The following SAP130 variants were observed in gnomAD, a reference collection of about 807,000 sequenced individuals.
SAP130 encodes the protein histone deacetylase complex subunit SAP130.
A neutral mutation model predicts 103.2 loss-of-function variants in SAP130; 16 were observed. The ratio of observed to expected loss-of-function variants is 0.16; its 90% CI spans 0.10 to 0.24. SAP130 has a LOEUF of 0.24. SAP130 is among the 10% of genes least tolerant of loss of function. The probability of loss-of-function intolerance (pLI) is 1.00; values close to 1 mark genes in which losing one functional copy is unlikely to be tolerated. For missense variants in SAP130, 990 were observed against 1,359.7 expected (o/e 0.73, Z 4.28); for synonymous variants, 477 against 497.0 (o/e 0.96, Z 0.53).
rs1559104045 is a variant in SAP130 at position 128,017,858 on chromosome 2, C to CTGG, written c.167_169dup (p.Ser56_Ser57insThr). 1 of 1,614,220 alleles carries CTGG rather than the reference C, an allele frequency of 6.2e-7. No individual in the cohort carries two copies. On this transcript the variant is annotated inframe_insertion, in exon 3 of 21. Transcript: ENST00000643581. ...CTCCTCCCGGGACTGGAGGGAGCTG[C>CTGG]TGGAACTCATGTGCTCCCTGGCACT...
intron 13 of SAP130, among the ~76,000 whole-genome samples, chr2:127,988,201 T>C (rs954847605): frequency 3.9e-5 from 6 of 152,294 alleles, no homozygotes; most frequent in East Asian, 1.9e-4. Context: ...GGCTGAAGGA[T>C]AGCTTGAACT....
At position 127,945,425 on chromosome 2, in the gene SAP130, CATG is replaced by C. The variant is rs369780133; in HGVS notation, c.2901+28_2901+30del. On this transcript the variant is annotated intron_variant, in intron 19 of 20. Coordinates refer to ENST00000643581, the MANE Select transcript of SAP130 (RefSeq NM_001330301.2). ...CTGCAGTGTCTTCTCCTCTCTTCAG[CATG>C]ATGAACAACTGCTAGAACTCCACCT... The C allele has an allele frequency of 2.5e-3, 3,265 of 1,316,258 alleles. 15 individuals are homozygous for C. Among genetic ancestry groups the C allele is most frequent in the Middle Eastern group, 0.016 (86 of 5,500 alleles). 81.5% of individuals were successfully genotyped at this position (1,316,258 alleles called of 1,614,324 possible). A position where few individuals can be genotyped will look rare whatever the true frequency, so the allele number is the denominator to read the frequency against.
intron 15 of SAP130, among the ~76,000 whole-genome samples, chr2:127,976,065 C>G (rs1681440244): frequency 6.6e-6 from 1 of 152,172 alleles, no homozygotes; most frequent in African/African-American, 2.4e-5. Flanking sequence ...CCAGGATGGT[C>G]TCTATCTCCT....
At chr2:128,001,843 A>G (rs1435059070) in intron 7 of SAP130, among the ~76,000 whole-genome samples, 1 of 152,190 alleles carries the variant, frequency 6.6e-6, no homozygotes, top group African/African-American at 2.4e-5. Flanking sequence ...AACCTCAGAA[A>G]GCAAAAAAAA....
intron 7 of SAP130, among the ~76,000 whole-genome samples, chr2:128,003,947 CACAGA>C (rs984322443): frequency 3.3e-5 from 4 of 122,600 alleles, no homozygotes; most frequent in African/African-American, 1.3e-4. Flanking sequence ...GTAGTTCTCC[CACAGA>C]TCAGCTTTTT....
At chr2:127,969,522 G>T (rs935690575) in intron 15 of SAP130, among the ~76,000 whole-genome samples, 1 of 152,202 alleles carries the variant, frequency 6.6e-6, no homozygotes, top group Non-Finnish European at 1.5e-5. Flanking sequence ...GTTAAGACCT[G>T]TATTAGATTG....
chr2:128,011,969 T>C lies in SAP130; in HGVS notation c.744+1061A>G, dbSNP rs948303843. On this transcript the variant is annotated intron_variant, in intron 6 of 20. Transcript: ENST00000643581. ...CTGGGATTACAGGCACGCACCACCATGCCCAGCTAATTTTTTGGCATTTTA... is the reference window on the plus strand; with the variant it reads ...CTGGGATTACAGGCACGCACCACCACGCCCAGCTAATTTTTTGGCATTTTA... Among the ~76,000 whole-genome samples, 4 of 152,060 alleles carry C rather than the reference T, an allele frequency of 2.6e-5. No homozygotes were observed. The South Asian group carries it at 6.2e-4, about 24-fold the overall frequency.
Position 127,942,271 on chromosome 2 carries a change from A to G in SAP130, c.3016-107T>C. 1 of 1,187,406 alleles carries G rather than the reference A, an allele frequency of 8.4e-7. No individual in the cohort carries two copies. Among genetic ancestry groups the G allele is most frequent in the East Asian group, 2.3e-5 (1 of 42,786 alleles). The allele number at this position is 1,187,406 out of a possible 1,614,324, so 73.6% of individuals were successfully genotyped here. A position where few individuals can be genotyped will look rare whatever the true frequency, so the allele number is the denominator to read the frequency against. On this transcript the variant is annotated intron_variant, in intron 20 of 20. Coordinates refer to ENST00000643581, the MANE Select transcript of SAP130 (RefSeq NM_001330301.2). This position sits in a 1 kb window ranked among gnomAD's most constrained non-coding sequence, Gnocchi z 4.8. ...GGCCATGTTGAGGCTTCCACAACAGAGAAAATGTCTTTTTGTTTCTCAGGA... is the reference window on the plus strand; with the variant it reads ...GGCCATGTTGAGGCTTCCACAACAGGGAAAATGTCTTTTTGTTTCTCAGGA...
chr2:128,014,633 G>A (rs1046421744), intron 5 of SAP130, among the ~76,000 whole-genome samples, 170 bp downstream of exon 5: 1 of 151,730 alleles, frequency 6.6e-6, no homozygotes, highest in South Asian at 2.1e-4. Flanking sequence ...CGCAGCACCT[G>A]GCCTTTTTTT....
At chr2:128,022,256 G>T (rs1379699582) in intron 2 of SAP130, among the ~76,000 whole-genome samples, 1 of 152,052 alleles carries the variant, frequency 6.6e-6, no homozygotes. Flanking sequence ...TGTTACTGAG[G>T]GTTATCCATA....
chr2:128,027,633 G>A (rs1047131111), intron 1 of SAP130, among the ~76,000 whole-genome samples: 4 of 28,488 alleles, frequency 1.4e-4, no homozygotes, highest in Non-Finnish European at 3.1e-4. Flanking sequence ...CCGCCCGCCC[G>A]CCCGCCCGCC....
At chr2:127,999,138 T>A (rs967474694) in intron 10 of SAP130, among the ~76,000 whole-genome samples, 6 of 152,150 alleles carry the variant, frequency 3.9e-5, no homozygotes, top group African/African-American at 1.4e-4. Flanking sequence ...GCTAAAAGAC[T>A]TCTGTGAGGC....
intron 19 of SAP130, among the ~76,000 whole-genome samples, chr2:127,944,031 T>G (rs1678889079): frequency 6.6e-6 from 1 of 152,196 alleles, no homozygotes; most frequent in African/African-American, 2.4e-5. Context: ...TTCTATAAAC[T>G]TTGTTTTCTT....
intron 15 of SAP130, among the ~76,000 whole-genome samples, chr2:127,961,768 C>G (rs1458549807): frequency 2.0e-5 from 3 of 152,172 alleles, no homozygotes; most frequent in Non-Finnish European, 4.4e-5. Context: ...CACTTGCTGT[C>G]AGAGCCAGAC....
chr2:128,028,055 A>T lies in SAP130; in HGVS notation c.-122T>A. ...CCGCAGCCACCGCCGGGGAGCTAGC[A>T]CTCTGCCCCCCACCCCTCACTCCAG... On this transcript the variant is annotated 5_prime_UTR_variant, in exon 1 of 21. Transcript: ENST00000643581. 3 of 845,886 alleles carry T rather than the reference A, an allele frequency of 3.5e-6. No homozygotes were observed. The highest frequency in any genetic ancestry group is 4.3e-6 in the Non-Finnish European group (3 of 702,512). 52.4% of individuals were successfully genotyped at this position (845,886 alleles called of 1,614,324 possible). A position where few individuals can be genotyped will look rare whatever the true frequency, so the allele number is the denominator to read the frequency against.
Position 127,996,594 on chromosome 2 carries a change from T to C in SAP130, c.1214-103A>G, listed in dbSNP as rs1573778493. ...ATCTTAGGAAAGCAAACAATTAAAA[T>C]AAGCCTGGATTTTTAATCAAAATAA... is the stretch of plus-strand genomic sequence containing the variant. On this transcript the variant is annotated intron_variant, in intron 10 of 20. Coordinates refer to ENST00000643581, the MANE Select transcript of SAP130 (RefSeq NM_001330301.2). The surrounding 1 kb of genome is among the most constrained non-coding windows in gnomAD (Gnocchi z 4.3). 4 of 1,050,658 alleles carry C rather than the reference T, an allele frequency of 3.8e-6. No homozygotes were observed. The highest frequency in any genetic ancestry group is 5.2e-6 in the Non-Finnish European group (4 of 765,568). The allele number at this position is 1,050,658 out of a possible 1,614,324, so 65.1% of individuals were successfully genotyped here. A position where few individuals can be genotyped will look rare whatever the true frequency, so the allele number is the denominator to read the frequency against.
intron 14 of SAP130, among the ~76,000 whole-genome samples, chr2:127,983,454 A>T (rs1682104870): frequency 6.6e-6 from 1 of 152,222 alleles, no homozygotes; most frequent in Non-Finnish European, 1.5e-5. Flanking sequence ...GTGAGGCATG[A>T]CAAGGACACC....
At chr2:127,997,143 T>C (rs1683231733) in intron 10 of SAP130, among the ~76,000 whole-genome samples, 1 of 152,214 alleles carries the variant, frequency 6.6e-6, no homozygotes, top group Non-Finnish European at 1.5e-5. Flanking sequence ...TATAATACTT[T>C]AGAGCAAAAT....
In SAP130 at chr2:127,960,199, C is replaced by T. The variant is rs528807014; in HGVS notation, c.2064-4855G>A. On this transcript the variant is annotated intron_variant, in intron 15 of 20. Transcript: ENST00000643581. Reference sequence around the variant, plus strand: ...AAAACTGACATCTTGGGCATTCTGTCCCTACTACTGAAGAGGTGCTCTTAC... The same window carrying T: ...AAAACTGACATCTTGGGCATTCTGTTCCTACTACTGAAGAGGTGCTCTTAC... Among the ~76,000 whole-genome samples the T allele has an allele frequency of 1.9e-4, 29 of 152,236 alleles. 1 individual carries two copies. The South Asian group carries it at 5.8e-3, about 31-fold the overall frequency.
Sources: gnomAD v4.1 joint callset for allele counts (sites outside exome capture counted in the v4.1 genomes callset) on GRCh38, gnomAD v4.1.1 for gene constraint, Gnocchi (gnomAD v3.1) non-coding constraint, MANE v1.5 for transcripts, NCBI Gene and HGNC (gene_info 2026-07-23, HGNC 2026-07-21) for gene names.